The following PTPN2 variants were observed in gnomAD, a reference collection of about 807,000 sequenced individuals.
PTPN2 encodes tyrosine-protein phosphatase non-receptor type 2.
In PTPN2, 19 loss-of-function variants were observed where a neutral mutation model predicts 57.3. The ratio of observed to expected loss-of-function variants is 0.33; its 90% CI spans 0.23 to 0.49. PTPN2 has a LOEUF of 0.49. Among genes scored for constraint, PTPN2 ranks in the 20% least tolerant of loss-of-function variants. The pLI, the probability that PTPN2 is intolerant of heterozygous loss-of-function variation, is 0.99. For synonymous variants in PTPN2, 153 were observed against 164.9 expected, an observed-to-expected ratio of 0.93 and a Z score of 0.55; for missense variants, 358 against 501.1, an observed-to-expected ratio of 0.71 and a Z score of 2.73.
At chr18:12,874,129 T>A (rs1423779640) in intron 1 of PTPN2, among the ~76,000 whole-genome samples, 1 of 151,238 alleles carries the variant, frequency 6.6e-6, no homozygotes, top group Non-Finnish European at 1.5e-5. Flanking sequence ...CGTCTCCACC[T>A]GGCAGCCGCC....
chr18:12,847,909 A>AT (rs778003045), intron 2 of PTPN2, among the ~76,000 whole-genome samples: 5 of 143,412 alleles, frequency 3.5e-5, no homozygotes, highest in Non-Finnish European at 7.6e-5. Flanking sequence ...AAAACTGAAT[A>AT]TTTAAAAAAA....
chr18:12,802,832 C>T (rs2041483197), intron 7 of PTPN2, among the ~76,000 whole-genome samples: 1 of 152,176 alleles, frequency 6.6e-6, no homozygotes, highest in African/African-American at 2.4e-5. Flanking sequence ...TTTATTACCA[C>T]TAGACTAGCC....
intron 1 of PTPN2, chr18:12,862,054 A>T (rs2043825914): frequency 6.6e-6 from 1 of 152,044 alleles, no homozygotes; most frequent in South Asian, 2.1e-4. Context: ...ATATTGTTCT[A>T]CTTTATAAAA....
intron 2 of PTPN2, among the ~76,000 whole-genome samples, chr18:12,843,149 G>A (rs576697492): frequency 3.9e-5 from 6 of 152,186 alleles, no homozygotes; most frequent in South Asian, 2.1e-4. Flanking sequence ...GATTCCAGAC[G>A]TAGTCATGAT....
At chr18:12,868,704 C>T (rs948115062) in intron 1 of PTPN2, among the ~76,000 whole-genome samples, 9 of 148,082 alleles carry the variant, frequency 6.1e-5, no homozygotes, top group Non-Finnish European at 1.2e-4. Flanking sequence ...GAGGCTGAGG[C>T]GGGCGGATCA....
At chr18:12,810,149 T>A (rs1021046172) in intron 7 of PTPN2, among the ~76,000 whole-genome samples, 1 of 152,144 alleles carries the variant, frequency 6.6e-6, no homozygotes, top group African/African-American at 2.4e-5. Context: ...GCCACTGTAC[T>A]CTAGCCTGGG....
At position 12,859,089 on chromosome 18, in the gene PTPN2, C is replaced by G. The variant is rs369182237; in HGVS notation, c.160+75G>C. 8.7e-5 allele frequency: 93 copies of G among 1,072,926 alleles called. 1 individual carries two copies. Among genetic ancestry groups the G allele is most frequent in the East Asian group, 6.5e-4 (27 of 41,248 alleles). The allele number at this position is 1,072,926 out of a possible 1,614,324, so 66.5% of individuals were successfully genotyped here. On this transcript the variant is annotated intron_variant, in intron 2 of 8. Coordinates refer to ENST00000309660, the MANE Select transcript of PTPN2 (RefSeq NM_002828.4). ...TGTATTTATCAACACTGACCCCAAG[C>G]CCTCCTTTTCACTACATCCTGCCTC...
chr18:12,833,815 A>C (rs1259347843), intron 3 of PTPN2, among the ~76,000 whole-genome samples: 1 of 152,212 alleles, frequency 6.6e-6, no homozygotes, highest in Non-Finnish European at 1.5e-5. Context: ...CAATGAGGAC[A>C]GTCTCAATCC....
At chr18:12,857,752 G>A (rs948499803) in intron 2 of PTPN2, among the ~76,000 whole-genome samples, 17 of 152,118 alleles carry the variant, frequency 1.1e-4, no homozygotes, top group Admixed American at 7.2e-4. Flanking sequence ...CTGTTTCAGA[G>A]GAAGTGGGTC....
intron 2 of PTPN2, among the ~76,000 whole-genome samples, chr18:12,854,335 G>A (rs2043502874): frequency 2.1e-5 from 3 of 141,218 alleles, no homozygotes; most frequent in Middle Eastern, 3.8e-3. Context: ...ACTCCAGCCT[G>A]AGTGACAGAG....
At chr18:12,840,955 A>C in intron 2 of PTPN2, 1 of 1,468,508 alleles carries the variant, frequency 6.8e-7, no homozygotes, top group Non-Finnish European at 9.0e-7. Flanking sequence ...TGTTCCCTGC[A>C]TTGAATACTT....
intron 2 of PTPN2, among the ~76,000 whole-genome samples, chr18:12,857,100 T>C (rs2145467014): frequency 1.4e-5 from 2 of 147,350 alleles, no homozygotes; most frequent in South Asian, 4.4e-4. Context: ...ATCAATTCGA[T>C]AAAACTAATT....
chr18:12,835,382 C>CTTTCTTTTT (rs2042821259), intron 3 of PTPN2, among the ~76,000 whole-genome samples: 1 of 99,030 alleles, frequency 1.0e-5, no homozygotes, highest in African/African-American at 4.2e-5. Flanking sequence ...TCACATATGT[C>CTTTCTTTTT]TTTTTTTTTT....
intron 4 of PTPN2, among the ~76,000 whole-genome samples, chr18:12,826,501 A>C (rs181280096): frequency 1.8e-3 from 270 of 152,336 alleles, no homozygotes; most frequent in African/African-American, 6.0e-3. Flanking sequence ...TCTCAGACTC[A>C]GAAATCCCCT....
chr18:12,814,465 A>G lies in PTPN2; in HGVS notation c.706-110T>C, dbSNP rs938310858. 33 of 910,176 alleles carry G rather than the reference A, an allele frequency of 3.6e-5. No individual in the cohort carries two copies. The African/African-American group carries it at 5.4e-4, about 15-fold the overall frequency. The allele number at this position is 910,176 out of a possible 1,614,324, so 56.4% of individuals were successfully genotyped here. On this transcript the variant is annotated intron_variant, in intron 6 of 8. Coordinates refer to ENST00000309660, the MANE Select transcript of PTPN2 (RefSeq NM_002828.4). ...GCTATGCATTTTCTCCTCTGAAAGA[A>G]CAACGATAATTTAACCCTCCAGCTA...
intron 1 of PTPN2, among the ~76,000 whole-genome samples, chr18:12,870,383 ACGT>A (rs2044185212): frequency 3.3e-5 from 2 of 60,946 alleles, no homozygotes; most frequent in African/African-American, 1.2e-4. Flanking sequence ...ACATATATAT[ACGT>A]ATATATGTAT....
chr18:12,865,182 C>T (rs2043948317), intron 1 of PTPN2, among the ~76,000 whole-genome samples: 1 of 152,138 alleles, frequency 6.6e-6, no homozygotes, highest in African/African-American at 2.4e-5. Flanking sequence ...CGCTGTGAGT[C>T]ATGCCTGCAA....
chr18:12,807,436 TC>T (rs2041698552), intron 7 of PTPN2, among the ~76,000 whole-genome samples: 1 of 151,166 alleles, frequency 6.6e-6, no homozygotes, highest in African/African-American at 2.4e-5. Context: ...TGGGTATTTA[TC>T]CAAAGGAAAT....
At chr18:12,795,988 T>A (rs555778373) in intron 8 of PTPN2, among the ~76,000 whole-genome samples, 45 of 150,616 alleles carry the variant, frequency 3.0e-4, no homozygotes, top group Non-Finnish European at 6.3e-4. Context: ...TGCTTAAAAA[T>A]CTCAAATGCC....
Sources: gnomAD v4.1 joint callset for allele counts (sites outside exome capture counted in the v4.1 genomes callset) on GRCh38, gnomAD v4.1.1 for gene constraint, MANE v1.5 for transcripts, NCBI Gene and HGNC (gene_info 2026-07-23, HGNC 2026-07-21) for gene names.